The following FLNA variants were observed in gnomAD, a reference collection of about 807,000 sequenced individuals.
FLNA encodes filamin A.
Under a neutral mutation model 157.6 loss-of-function variants are expected in FLNA, and 7 were observed. The observed-to-expected ratio is 0.04, with a 90% CI of 0.03 to 0.08. FLNA has a LOEUF of 0.08. Ranked by LOEUF, FLNA falls within the 10% of genes least tolerant of loss-of-function variation. The probability of loss-of-function intolerance (pLI) is 1.00; values close to 1 mark genes in which losing one functional copy is unlikely to be tolerated. For synonymous variants in FLNA, 1,103 were observed against 1,060.8 expected, an observed-to-expected ratio of 1.04 and a Z score of -0.77; for missense variants, 1,750 against 2,398.4, an observed-to-expected ratio of 0.73 and a Z score of 5.65.
intron 2 of FLNA, among the ~76,000 whole-genome samples, chrX:154,369,251 C>A (rs901761167): frequency 8.9e-6 from 1 of 112,267 alleles, no homozygotes; most frequent in East Asian, 2.8e-4. Flanking sequence ...TCACTCTCCC[C>A]AAATGGCAGC....
intron 15 of FLNA, among the ~76,000 whole-genome samples, chrX:154,363,676 G>A (rs782818500): frequency 6.2e-5 from 7 of 112,048 alleles, no homozygotes; most frequent in Non-Finnish European, 1.1e-4. Flanking sequence ...TCGCGCCATT[G>A]CACTCCAGCC....
intron 2 of FLNA, among the ~76,000 whole-genome samples, chrX:154,369,423 G>A (rs972853305): frequency 1.5e-4 from 17 of 111,780 alleles, no homozygotes; most frequent in Admixed American, 1.9e-4. Flanking sequence ...AGCCTACTCC[G>A]TCCCCATCCC....
chrX:154,353,722 G>A lies in FLNA; in HGVS notation c.5692C>T (p.Leu1898=). The change falls in exon 36 of 48, where the codon CTG becomes TTG. Residue 1898 remains leucine (L), a synonymous_variant. Transcript: ENST00000369850. ...GACGGGCCCTCAATGGCCAGAGACA[G>A]GCCCCCTGGAGAGAGCCGTGGGTGA... is the stretch of plus-strand genomic sequence containing the variant. ...VNTKDAGEGG[L]SLAIEGPSKA... 1 of 1,209,458 alleles carries A rather than the reference G, an allele frequency of 8.3e-7. No individual in the cohort carries two copies.
At position 154,359,465 on chromosome X, in the gene FLNA, C is replaced by T. The variant is rs782553032; in HGVS notation, c.4142+19G>A. 91 of 1,210,553 alleles carry T rather than the reference C, an allele frequency of 7.5e-5. No individual in the cohort carries two copies. Among genetic ancestry groups the T allele is most frequent in the Non-Finnish European group, 8.5e-5 (76 of 895,294 alleles). On this transcript the variant is annotated intron_variant, in intron 24 of 47. Transcript: ENST00000369850. ...TTCCCAGGCCCACCAGCCACACGGG[C>T]TCCTGGGGGCTCCCTTACCTGGTCT...
Position 154,368,029 on chromosome X carries a change from G to T in FLNA, c.435C>A (p.Ile145=). Residue 145 remains isoleucine, a synonymous_variant, in exon 3 of 48, where the codon ATC becomes ATA. Coordinates refer to ENST00000369850, the MANE Select transcript of FLNA (RefSeq NM_001110556.2). ...TGGGCATGGAGATGGAGTAGTGCAG[G>T]ATCAGGGTCCAGATGAGGCCCAGGA... ...KLILGLIWTL[I]LHYSISMPMW... 3 of 1,206,616 alleles carry T rather than the reference G, an allele frequency of 2.5e-6. No individual in the cohort carries two copies. Among genetic ancestry groups the T allele is most frequent in the Non-Finnish European group, 3.4e-6 (3 of 891,043 alleles).
At position 154,350,063 on chromosome X, in the gene FLNA, G is replaced by A. The variant is rs2067607175; in HGVS notation, c.7301C>T (p.Ala2434Val). 1 of 1,210,496 alleles carries A rather than the reference G, an allele frequency of 8.3e-7. No homozygotes were observed. The highest frequency in any genetic ancestry group is 2.2e-5 in the Admixed American group (1 of 45,959). Residue 2434 changes from alanine to valine, a missense_variant, in exon 45 of 48, where the codon GCT (alanine) becomes GTT (valine). Physicochemically the swap from Ala to Val is moderately conservative, Grantham distance 64. Coordinates refer to ENST00000369850, the MANE Select transcript of FLNA (RefSeq NM_001110556.2). ...ACCGCCTTCCAGACCTGCTCCGTAAGCAGACACCAAGCCTGGGTCCCCTCC... is the reference window on the plus strand; with the variant it reads ...ACCGCCTTCCAGACCTGCTCCGTAAACAGACACCAAGCCTGGGTCCCCTCC... ...GHGGDPGLVS[A>V]YGAGLEGGVT...
chrX:154,348,903 G>A lies in FLNA; in HGVS notation c.7890C>T (p.Val2630=). 1 of 1,210,971 alleles carries A rather than the reference G, an allele frequency of 8.3e-7. No individual in the cohort carries two copies. Among genetic ancestry groups the A allele is most frequent in the South Asian group, 1.8e-5 (1 of 56,990 alleles). Residue 2630 remains valine (V), a synonymous_variant, in exon 48 of 48, where the codon GTC becomes GTT. Coordinates refer to ENST00000369850, the MANE Select transcript of FLNA (RefSeq NM_001110556.2). Reference sequence around the variant, plus strand: ...CTGGGATGTGCTCGTCCCCCCATTTGACCACCAGTGTGTACTCCCCCTTGT... The same window carrying A: ...CTGGGATGTGCTCGTCCCCCCATTTAACCACCAGTGTGTACTCCCCCTTGT... The part of the protein sequence containing the change: ...LKDKGEYTLV[V]KWGDEHIPGS...
In FLNA at chrX:154,354,988, G is replaced by A. The variant is rs781783107; in HGVS notation, c.5054C>T (p.Thr1685Met). 1.7e-6 allele frequency: 2 copies of A among 1,212,067 alleles called. No individual in the cohort carries two copies. The highest frequency in any genetic ancestry group is 2.2e-5 in the Admixed American group (1 of 46,191). ...DTKAAGKGKV[T>M]CTVCTPDGSE... is the part of the protein sequence containing the mutation. ...GCCATCAGGCGTGCACACGGTGCAC[G>A]TCACTTTGCCTTTGCCTGCCGCCTT... Residue 1685 changes from threonine (T) to methionine (M), a missense_variant, in exon 31 of 48, where the codon ACG becomes ATG. Thr to Met is a moderately conservative substitution (Grantham distance 81). Around this residue, in one of 5 missense-constraint regions of FLNA, gnomAD observed 970 missense variants for 1,302.6 expected, o/e 0.74. Transcript: ENST00000369850.
rs1557179174 is a variant in FLNA at position 154,366,121 on chromosome X, G to A, written c.1332C>T (p.Cys444=). 3 of 1,210,351 alleles carry A rather than the reference G, an allele frequency of 2.5e-6. No individual in the cohort carries two copies. The highest frequency in any genetic ancestry group is 3.4e-6 in the Non-Finnish European group (3 of 895,083). ...LEARGDSTYR[C]SYQPTMEGVH... ...CGCCCTCCATGGTGGGCTGGTAGCT[G>A]CAGCGGTATGTGCTGTCGCCCCGGG... Residue 444 remains cysteine, a synonymous_variant, in exon 9 of 48, where the codon TGC becomes TGT. Transcript: ENST00000369850.
Position 154,355,671 on chromosome X carries a change from C to G in FLNA, c.4970-599G>C, listed in dbSNP as rs113850590. 8.0e-3 allele frequency among the ~76,000 whole-genome samples: 903 copies of G among 113,114 alleles called. 9 individuals carry two copies. The highest frequency in any genetic ancestry group is 0.028 in the African/African-American group (870 of 31,209). On this transcript the variant is annotated intron_variant, in intron 30 of 47. Coordinates refer to ENST00000369850, the MANE Select transcript of FLNA (RefSeq NM_001110556.2). Reference sequence around the variant, plus strand: ...GGCAGCGGGGTTAGCACCCGAGTAGCGCAGCGCAGCAGGCTTGGCAGAGCG... The same window carrying G: ...GGCAGCGGGGTTAGCACCCGAGTAGGGCAGCGCAGCAGGCTTGGCAGAGCG...
intron 21 of FLNA, among the ~76,000 whole-genome samples, chrX:154,360,995 C>T (rs1156323257): frequency 4.6e-5 from 4 of 86,924 alleles, no homozygotes; most frequent in Non-Finnish European, 8.5e-5. Context: ...TGCCGTGAGC[C>T]AATATCGCGC....
chrX:154,353,740 G>A lies in FLNA; in HGVS notation c.5687-13C>T, dbSNP rs782215178. ...AGAGACAGGCCCCCTGGAGAGAGCCGTGGGTGAGCATGGGAACTATGCTGG... is the reference window on the plus strand; with the variant it reads ...AGAGACAGGCCCCCTGGAGAGAGCCATGGGTGAGCATGGGAACTATGCTGG... On this transcript the variant is annotated splice_polypyrimidine_tract_variant and intron_variant, in intron 35 of 47. Coordinates refer to ENST00000369850, the MANE Select transcript of FLNA (RefSeq NM_001110556.2). 1.7e-5 allele frequency: 21 copies of A among 1,204,651 alleles called. No homozygotes were observed. Among genetic ancestry groups the A allele is most frequent in the Middle Eastern group, 2.4e-4 (1 of 4,253 alleles).
intron 2 of FLNA, among the ~76,000 whole-genome samples, chrX:154,369,098 T>C (rs918980417): frequency 6.2e-5 from 7 of 112,333 alleles, no homozygotes; most frequent in African/African-American, 2.3e-4. Flanking sequence ...GTGAGTCAAC[T>C]AGGGGGCGGG....
rs782273962 is a variant in FLNA, at chrX:154,360,183, C to T, written c.3612G>A (p.Pro1204=). The T allele has an allele frequency of 2.9e-5, 35 of 1,208,902 alleles. No homozygotes were observed. The highest frequency in any genetic ancestry group is 1.6e-4 in the African/African-American group (9 of 57,656). The change falls in exon 22 of 48, where the codon CCG becomes CCA. Residue 1204 remains proline, a synonymous_variant. Coordinates refer to ENST00000369850, the MANE Select transcript of FLNA (RefSeq NM_001110556.2). The part of the protein sequence containing the change: ...TIEICSEAGL[P]AEVYIQDHGD... Reference sequence around the variant, plus strand: ...CGTGGTCCTGGATGTACACCTCGGCCGGAAGCCCCGCCTCCGAGCAGATCT... The same window carrying T: ...CGTGGTCCTGGATGTACACCTCGGCTGGAAGCCCCGCCTCCGAGCAGATCT...
rs1557179583 is a variant in FLNA at position 154,367,637 on chromosome X, G to A, written c.720+4C>T. The A allele has an allele frequency of 2.5e-6, 3 of 1,210,992 alleles. No homozygotes were observed. Among genetic ancestry groups the A allele is most frequent in the South Asian group, 1.8e-5 (1 of 57,036 alleles). On this transcript the variant is annotated splice_donor_region_variant and intron_variant, in intron 4 of 47. Coordinates refer to ENST00000369850, the MANE Select transcript of FLNA (RefSeq NM_001110556.2). ...ACAGCTGTAGCCAGGCCGGGCGGGT[G>A]TACCTGGGGGATGCCCAGCCAGTCA...
In FLNA at chrX:154,354,654, G is replaced by C. The variant is rs1382076574; in HGVS notation, c.5275C>G (p.Pro1759Ala). ...CCGCCCTGGGCGTAGGTGTACTGTG[G>C]GGCCAGCTGCTGAGACCGTAGAGGG... is the stretch of plus-strand genomic sequence containing the variant. ...QPPLRSQQLA[P>A]QYTYAQGGQQ... The change falls in exon 32 of 48, where the codon CCA becomes GCA. Residue 1759 changes from proline (P) to alanine (A), a missense_variant. Physicochemically the swap from Pro to Ala is conservative, Grantham distance 27. This residue lies in a region of FLNA where 970 missense variants were observed against 1,302.6 expected (regional missense o/e 0.74). Transcript: ENST00000369850. The C allele has an allele frequency of 1.7e-6, 2 of 1,205,832 alleles. No homozygotes were observed. The highest frequency in any genetic ancestry group is 2.2e-6 in the Non-Finnish European group (2 of 892,997).
chrX:154,351,760 G>A, intron 42 of FLNA, 64 bp from the exon 43 acceptor site: 1 of 1,112,668 alleles, frequency 9.0e-7, no homozygotes, highest in Non-Finnish European at 1.2e-6. Context: ...CCCACGAACA[G>A]CCTGGGTGGC....
At chrX:154,362,612 C>T (rs781898168) in intron 16 of FLNA, 34 bp from the exon 17 acceptor site, 11 of 1,210,764 alleles carry the variant, frequency 9.1e-6, no homozygotes, top group South Asian at 3.5e-5. Flanking sequence ...GCTGAGACCT[C>T]GCAGGGACAC....
chrX:154,352,872 G>A lies in FLNA; in HGVS notation c.6279C>T (p.Asn2093=), dbSNP rs782076790. 1 of 1,211,701 alleles carries A rather than the reference G, an allele frequency of 8.3e-7. No homozygotes were observed. Among genetic ancestry groups the A allele is most frequent in the South Asian group, 1.8e-5 (1 of 57,047 alleles). The change falls in exon 39 of 48, where the codon AAC becomes AAT. Residue 2093 remains asparagine (N), a synonymous_variant. Coordinates refer to ENST00000369850, the MANE Select transcript of FLNA (RefSeq NM_001110556.2). The part of the protein sequence containing the change: ...SIEGPSKVDI[N]TEDLEDGTCR... ...ACGTCCCGTCCTCCAGGTCCTCTGTGTTGATGTCCACCTTGCTGGGGCCCT... is the reference window on the plus strand; with the variant it reads ...ACGTCCCGTCCTCCAGGTCCTCTGTATTGATGTCCACCTTGCTGGGGCCCT...
Sources: gnomAD v4.1 joint callset for allele counts (sites outside exome capture counted in the v4.1 genomes callset) on GRCh38, gnomAD v4.1.1 for gene constraint, gnomAD v4.1.1 regional missense constraint, MANE v1.5 for transcripts, NCBI Gene and HGNC (gene_info 2026-07-23, HGNC 2026-07-21) for gene names.